COBL: variants seen among roughly 807,000 people sequenced by gnomAD.
COBL encodes protein cordon-bleu.
A neutral mutation model predicts 98.8 loss-of-function variants in COBL; 51 were observed. The observed-to-expected ratio is 0.52, with a 90% CI of 0.41 to 0.65. COBL has a LOEUF of 0.65. Ranked by LOEUF, COBL falls within the 30% of genes least tolerant of loss-of-function variation. COBL has a pLI of 0.00. For missense variants in COBL, 1,617 were observed against 1,617.5 expected, an observed-to-expected ratio of 1.00 and a Z score of 0.01; for synonymous variants, 634 against 651.7, an observed-to-expected ratio of 0.97 and a Z score of 0.41.
rs140813136 is a variant in COBL at position 51,065,234 on chromosome 7, A to AC, written c.1096+19931dup. 752 of 703,424 alleles carry AC rather than the reference A, an allele frequency of 1.1e-3. 4 individuals carry two copies. In the African/African-American group the frequency reaches 0.011, roughly 11 times the overall value. The allele number at this position is 703,424 out of a possible 1,614,324, so 43.6% of individuals were successfully genotyped here. A position where few individuals can be genotyped will look rare whatever the true frequency, so the allele number is the denominator to read the frequency against. ...TGTGCGTGTGTGTGTCTAAGTGTGCACATGCATTCACAAATGCTTGAAAGA... is the reference window on the plus strand; with the variant it reads ...TGTGCGTGTGTGTGTCTAAGTGTGCACCATGCATTCACAAATGCTTGAAAGA... On this transcript the variant is annotated intron_variant, in intron 7 of 12. Transcript: ENST00000265136.
chr7:51,026,174 GCAA>G (rs1447357227), intron 11 of COBL, among the ~76,000 whole-genome samples: 1 of 152,218 alleles, frequency 6.6e-6, no homozygotes, highest in Non-Finnish European at 1.5e-5. Context: ...CTATATTCAT[GCAA>G]CAACTTTTTT....
chr7:51,090,958 T>C (rs1045331498), intron 6 of COBL, among the ~76,000 whole-genome samples: 4 of 152,142 alleles, frequency 2.6e-5, no homozygotes, highest in Non-Finnish European at 4.4e-5. Context: ...AACCTTCTAA[T>C]TGGAAAATAC....
rs143972678 is a variant in COBL, at chr7:51,297,159, G to A, written c.41+19434C>T. ...TGCACATCCCTGGTTAACACCCACC[G>A]GGGAAGAATCCCACCCTCATTTTTA... is the stretch of plus-strand genomic sequence containing the variant. On this transcript the variant is annotated intron_variant, in intron 1 of 12. Transcript: ENST00000265136. Among the ~76,000 whole-genome samples, 1,290 of 152,130 alleles carry A rather than the reference G, an allele frequency of 8.5e-3. 13 individuals carry two copies. The highest frequency in any genetic ancestry group is 0.029 in the African/African-American group (1,222 of 41,506).
chr7:51,027,750 C>A lies in COBL; in HGVS notation c.3346G>T (p.Ala1116Ser). Residue 1116 changes from alanine to serine, a missense_variant, in exon 10 of 13, where the codon GCC becomes TCC. Ala to Ser is a moderately conservative substitution (Grantham distance 99). This residue lies in a region of COBL where 1,304 missense variants were observed against 1,282.0 expected (regional missense o/e 1.02). Coordinates refer to ENST00000265136, the MANE Select transcript of COBL (RefSeq NM_015198.5). ...DTSLHSALME[A>S]IHSAGGKDRL... is the part of the protein sequence containing the mutation. The stretch of plus-strand genomic sequence containing the variant: ...TCCTTCCCTCCCGCAGAGTGGATGG[C>A]TTCCATCAGGGCAGAGTGCAGGGAT... 6.2e-7 allele frequency: 1 copy of A among 1,614,040 alleles called. No individual in the cohort carries two copies. The highest frequency in any genetic ancestry group is 2.2e-5 in the East Asian group (1 of 44,878).
intron 5 of COBL, among the ~76,000 whole-genome samples, chr7:51,164,429 AG>A (rs1449313647): frequency 2.6e-5 from 4 of 152,164 alleles, no homozygotes; most frequent in Non-Finnish European, 5.9e-5. Context: ...AGACTTTTCA[AG>A]GGAAAACCTT....
chr7:51,125,765 AT>A (rs983030759), intron 6 of COBL, among the ~76,000 whole-genome samples: 3 of 152,050 alleles, frequency 2.0e-5, no homozygotes, highest in Non-Finnish European at 2.9e-5. Flanking sequence ...CCTGAGAGAA[AT>A]TTTTTTTCTA....
At chr7:51,229,863 C>A (rs1031411002) in intron 1 of COBL, among the ~76,000 whole-genome samples, 4 of 152,136 alleles carry the variant, frequency 2.6e-5, no homozygotes, top group African/African-American at 9.7e-5. Context: ...ATGGATACAC[C>A]GTGAGCTTGA....
At position 51,250,584 on chromosome 7, in the gene COBL, G is replaced by C. The variant is rs923998239; in HGVS notation, c.42-30640C>G. 2.0e-5 allele frequency among the ~76,000 whole-genome samples: 3 copies of C among 152,196 alleles called. No homozygotes were observed. In the South Asian group the frequency reaches 6.2e-4, roughly 32 times the overall value. On this transcript the variant is annotated intron_variant, in intron 1 of 12. Transcript: ENST00000265136. ...ATTTACTTCTCAAATTTGTGTGCAAGTATCTTTTATTGTCCAGGTACTTTT... is the reference window on the plus strand; with the variant it reads ...ATTTACTTCTCAAATTTGTGTGCAACTATCTTTTATTGTCCAGGTACTTTT...
intron 5 of COBL, among the ~76,000 whole-genome samples, chr7:51,148,226 G>T (rs912583068): frequency 6.6e-6 from 1 of 152,190 alleles, no homozygotes; most frequent in African/African-American, 2.4e-5. Flanking sequence ...GCACAGGGCA[G>T]GTGGGAGGCA....
At chr7:51,200,195 A>G (rs1584144801) in intron 2 of COBL, among the ~76,000 whole-genome samples, 1 of 152,346 alleles carries the variant, frequency 6.6e-6, no homozygotes, top group Non-Finnish European at 1.5e-5. Context: ...TGAAGGAGAG[A>G]TAAGTCTTCC....
intron 1 of COBL, among the ~76,000 whole-genome samples, chr7:51,294,489 T>G (rs547879343): frequency 7.1e-6 from 1 of 140,508 alleles, no homozygotes; most frequent in African/African-American, 2.9e-5. Context: ...AAAAAAAAAA[T>G]AAAAGTAGCT....
At chr7:51,025,405 A>T (rs1787452412) in intron 11 of COBL, 33 bp from the exon 12 acceptor site, 10 of 1,609,078 alleles carry the variant, frequency 6.2e-6, no homozygotes, top group African/African-American at 1.3e-5. Flanking sequence ...ACTGCTATAG[A>T]GTGAATGTCT....
intron 5 of COBL, among the ~76,000 whole-genome samples, chr7:51,173,617 G>A (rs1007451078): frequency 1.3e-5 from 2 of 152,114 alleles, no homozygotes; most frequent in Admixed American, 1.3e-4. Context: ...AAATCATCTG[G>A]TGCAATTGGA....
chr7:51,048,789 A>C (rs2128894691), intron 7 of COBL, among the ~76,000 whole-genome samples: 1 of 152,342 alleles, frequency 6.6e-6, no homozygotes, highest in Non-Finnish European at 1.5e-5. Context: ...AATTACATAA[A>C]TGTTCTTAGA....
At chr7:51,251,484 G>A (rs951378251) in intron 1 of COBL, among the ~76,000 whole-genome samples, 5 of 152,186 alleles carry the variant, frequency 3.3e-5, no homozygotes, top group African/African-American at 1.2e-4. Flanking sequence ...TCTGCCGAAT[G>A]ACTCATACAA....
Position 51,172,102 on chromosome 7 carries a change from G to C in COBL, c.783+12000C>G, listed in dbSNP as rs181718955. Among the ~76,000 whole-genome samples the C allele has an allele frequency of 6.2e-4, 95 of 152,346 alleles. 1 individual carries two copies. In the East Asian group the frequency reaches 0.013, roughly 21 times the overall value. Reference sequence around the variant, plus strand: ...GCTCCGTGAACAGAGCGTAGGCTCAGAGTTTAGCAGCTGAGAGCTATAGGG... The same window carrying C: ...GCTCCGTGAACAGAGCGTAGGCTCACAGTTTAGCAGCTGAGAGCTATAGGG... On this transcript the variant is annotated intron_variant, in intron 5 of 12. Transcript: ENST00000265136.
chr7:51,226,843 T>A (rs920239020), intron 1 of COBL, among the ~76,000 whole-genome samples: 3 of 152,178 alleles, frequency 2.0e-5, no homozygotes, highest in Admixed American at 6.5e-5. Context: ...ACACTGTGTA[T>A]GTTCAATACC....
chr7:51,260,303 G>A, intron 1 of COBL: 1 of 456,620 alleles, frequency 2.2e-6, no homozygotes, highest in Non-Finnish European at 3.8e-6. Context: ...CTCATTTATA[G>A]AACAGGATAA....
intron 5 of COBL, among the ~76,000 whole-genome samples, chr7:51,169,146 G>C (rs1194450629): frequency 2.0e-5 from 3 of 152,012 alleles, no homozygotes; most frequent in Non-Finnish European, 4.4e-5. Flanking sequence ...ATAAAACCTT[G>C]GTATCCACAA....
Sources: gnomAD v4.1 joint callset for allele counts (sites outside exome capture counted in the v4.1 genomes callset) on GRCh38, gnomAD v4.1.1 for gene constraint, gnomAD v4.1.1 regional missense constraint, MANE v1.5 for transcripts, NCBI Gene and HGNC (gene_info 2026-07-23, HGNC 2026-07-21) for gene names.